Variants in DOCK7 observed in about 807,000 individuals in gnomAD.
DOCK7 encodes dedicator of cytokinesis 7, also known as dedicator of cytokinesis protein 7.
Under a neutral mutation model 271.0 loss-of-function variants are expected in DOCK7, and 138 were observed. That is an observed-to-expected ratio of 0.51 (90% CI 0.44 to 0.59). DOCK7 has a LOEUF of 0.59. Among genes scored for constraint, DOCK7 ranks in the 20% least tolerant of loss-of-function variants. DOCK7 has a pLI of 0.00. For missense variants in DOCK7, 2,066 were observed against 2,592.4 expected (o/e 0.80, Z 4.41); for synonymous variants, 823 against 876.1 (o/e 0.94, Z 1.07).
At chr1:62,456,127 C>T (rs74531289) in intron 49 of DOCK7, among the ~76,000 whole-genome samples, 1 of 152,192 alleles carries the variant, frequency 6.6e-6, no homozygotes, top group East Asian at 1.9e-4. Flanking sequence ...CTCCACTGTA[C>T]CCTCACAAGA....
At chr1:62,669,184 ACAGGCAGC>A (rs1487125567) in intron 1 of DOCK7, among the ~76,000 whole-genome samples, 3 of 152,234 alleles carry the variant, frequency 2.0e-5, no homozygotes, top group African/African-American at 7.2e-5. Context: ...ACAAATTCAG[ACAGGCAGC>A]AGACTAGCCA....
chr1:62,603,740 GA>G (rs1650504979), intron 14 of DOCK7, among the ~76,000 whole-genome samples: 2 of 151,936 alleles, frequency 1.3e-5, no homozygotes, highest in Non-Finnish European at 3.0e-5. Context: ...ATGCATTATA[GA>G]AAGGATAATC....
chr1:62,491,355 C>T (rs1280952436), intron 41 of DOCK7, among the ~76,000 whole-genome samples: 1 of 152,184 alleles, frequency 6.6e-6, no homozygotes, highest in Non-Finnish European at 1.5e-5. Flanking sequence ...TCCTAAACCT[C>T]GGTGCTGGTA....
At chr1:62,564,813 A>T (rs1230703335) in intron 18 of DOCK7, among the ~76,000 whole-genome samples, 1 of 152,216 alleles carries the variant, frequency 6.6e-6, no homozygotes, top group Non-Finnish European at 1.5e-5. Context: ...CAGACTAATA[A>T]AGAACAAAAG....
intron 1 of DOCK7, chr1:62,687,750 C>A (rs970180123): frequency 6.6e-6 from 1 of 152,100 alleles, no homozygotes; most frequent in Admixed American, 6.6e-5. Context: ...CCCGAGCCGC[C>A]GCGCGTTTCT....
In DOCK7 at chr1:62,496,019, A is replaced by C. The variant is rs1439507711; in HGVS notation, c.4923+320T>G. 4 of 353,660 alleles carry C rather than the reference A, an allele frequency of 1.1e-5. No individual in the cohort carries two copies. The Admixed American group carries it at 1.9e-4, about 17-fold the overall frequency. The allele number at this position is 353,660 out of a possible 1,614,324, so 21.9% of individuals were successfully genotyped here. ...GATTTTACTAAAAGGTAGTTTGTAG[A>C]AACTTTAGTTTTTAAGGCATATTAT... On this transcript the variant is annotated intron_variant, in intron 38 of 49. Transcript: ENST00000635253.
chr1:62,622,168 TGA>T (rs905605289), intron 12 of DOCK7, among the ~76,000 whole-genome samples: 1 of 152,338 alleles, frequency 6.6e-6, no homozygotes, highest in Admixed American at 6.5e-5. Context: ...CAGTAGAATT[TGA>T]GAGACATGTC....
intron 14 of DOCK7, among the ~76,000 whole-genome samples, chr1:62,603,636 T>C (rs1440448010): frequency 6.6e-6 from 1 of 151,870 alleles, no homozygotes; most frequent in African/African-American, 2.4e-5. Context: ...AGTTTATCCA[T>C]ATAAAGACTT....
chr1:62,640,771 C>G (rs140578842), intron 7 of DOCK7, among the ~76,000 whole-genome samples: 360 of 152,226 alleles, frequency 2.4e-3, no homozygotes, highest in African/African-American at 8.2e-3. Context: ...GAAGTTAAAA[C>G]AGATGCCCTA....
rs904598850 is a variant in DOCK7 at position 62,688,294 on chromosome 1, C to T, written c.-30G>A. 4.0e-5 allele frequency: 49 copies of T among 1,237,434 alleles called. 1 individual carries two copies. The highest frequency in any genetic ancestry group is 5.5e-4 in the Middle Eastern group (2 of 3,610). The allele number at this position is 1,237,434 out of a possible 1,614,324, so 76.7% of individuals were successfully genotyped here. A position where few individuals can be genotyped will look rare whatever the true frequency, so the allele number is the denominator to read the frequency against. On this transcript the variant is annotated 5_prime_UTR_variant, in exon 1 of 50. Coordinates refer to ENST00000635253, the MANE Select transcript of DOCK7 (RefSeq NM_001367561.1). The stretch of plus-strand genomic sequence containing the variant: ...GCTGCGGCGACGGCGACGGCGGCGG[C>T]GGCTGCGGCGGGCCGGGTGCGGACC...
chr1:62,462,957 C>G (rs1402846302), intron 48 of DOCK7, among the ~76,000 whole-genome samples: 1 of 105,994 alleles, frequency 9.4e-6, no homozygotes, highest in African/African-American at 3.3e-5. Context: ...CTTTGTTTAA[C>G]CTATATTGAT....
At chr1:62,584,494 T>C in intron 15 of DOCK7, 2 of 1,062,058 alleles carry the variant, frequency 1.9e-6, no homozygotes, top group African/African-American at 1.7e-5. Flanking sequence ...TGTATTTTCA[T>C]ATGACTAATA....
intron 29 of DOCK7, among the ~76,000 whole-genome samples, chr1:62,530,369 AT>A (rs1348349821): frequency 1.9e-4 from 29 of 152,204 alleles, no homozygotes; most frequent in African/African-American, 6.8e-4. Context: ...CATATGTTCA[AT>A]GAACCCTGTC....
At chr1:62,476,366 A>G (rs1454197420) in intron 44 of DOCK7, among the ~76,000 whole-genome samples, 1 of 152,168 alleles carries the variant, frequency 6.6e-6, no homozygotes, top group Non-Finnish European at 1.5e-5. Context: ...CATTATTCCC[A>G]TCCACAAACT....
chr1:62,679,509 TAAG>T (rs1253106602), intron 1 of DOCK7, among the ~76,000 whole-genome samples: 2 of 152,126 alleles, frequency 1.3e-5, no homozygotes, highest in African/African-American at 2.4e-5. Flanking sequence ...GCAATTTACA[TAAG>T]AAGAAATTCA....
Position 62,475,075 on chromosome 1 carries a change from C to A in DOCK7, c.6105+133G>T, listed in dbSNP as rs147015149. 4 of 983,258 alleles carry A rather than the reference C, an allele frequency of 4.1e-6. No individual in the cohort carries two copies. In the South Asian group the frequency reaches 6.9e-5, roughly 17 times the overall value. 60.9% of individuals were successfully genotyped at this position (983,258 alleles called of 1,614,324 possible). ...TCCTTCTTAATAGAATTTATAAGATCGCATAGGTAGAAAAATACAGGCAGT... is the reference window on the plus strand; with the variant it reads ...TCCTTCTTAATAGAATTTATAAGATAGCATAGGTAGAAAAATACAGGCAGT... On this transcript the variant is annotated intron_variant, in intron 47 of 49. Transcript: ENST00000635253.
Position 62,602,332 on chromosome 1 carries a change from T to C in DOCK7, c.1683-15708A>G, listed in dbSNP as rs398122989. 3.7e-6 allele frequency: 6 copies of C among 1,610,822 alleles called. No individual in the cohort carries two copies. Among genetic ancestry groups the C allele is most frequent in the Non-Finnish European group, 5.1e-6 (6 of 1,177,758 alleles). ...ACATCGAATAGATGGATCACAAAAC[T>C]TCAATGAAACGTGGGAGAACTACAA... On this transcript the variant is annotated intron_variant, in intron 14 of 49. Coordinates refer to ENST00000635253, the MANE Select transcript of DOCK7 (RefSeq NM_001367561.1).
intron 1 of DOCK7, among the ~76,000 whole-genome samples, chr1:62,667,929 G>C (rs932912728): frequency 2.6e-5 from 4 of 151,560 alleles, no homozygotes; most frequent in Non-Finnish European, 5.9e-5. Context: ...CTGAGGCAGG[G>C]GAATTGCTTG....
At chr1:62,574,820 C>T (rs1050182138) in intron 18 of DOCK7, among the ~76,000 whole-genome samples, 1 of 152,036 alleles carries the variant, frequency 6.6e-6, no homozygotes, top group African/African-American at 2.4e-5. Context: ...ACCTCTGCCT[C>T]CCGGGTTCAA....
Sources: gnomAD v4.1 joint callset for allele counts (sites outside exome capture counted in the v4.1 genomes callset) on GRCh38, gnomAD v4.1.1 for gene constraint, MANE v1.5 for transcripts, NCBI Gene and HGNC (gene_info 2026-07-23, HGNC 2026-07-21) for gene names.